Variants in LIFR observed in about 807,000 individuals in gnomAD.
LIFR encodes the protein LIF receptor subunit alpha, also known as leukemia inhibitory factor receptor.
In LIFR, 84 loss-of-function variants were observed where a neutral mutation model predicts 122.2. That is an observed-to-expected ratio of 0.69 (90% CI 0.58 to 0.82). The LOEUF (loss-of-function observed/expected upper bound fraction) is 0.82, where lower values mean the gene tolerates loss of function less well. LIFR is among the 40% of genes least tolerant of loss of function. The pLI is 0.00. For missense variants in LIFR, 1,294 were observed against 1,311.6 expected (o/e 0.99, Z 0.21); for synonymous variants, 422 against 434.7 (o/e 0.97, Z 0.36).
chr5:38,525,838 G>T (rs1302496684), intron 4 of LIFR, among the ~76,000 whole-genome samples: 2 of 152,188 alleles, frequency 1.3e-5, no homozygotes, highest in Non-Finnish European at 2.9e-5. Context: ...GATGTCACAT[G>T]ATGTAGTAAC....
At chr5:38,583,507 G>T (rs1407182369) in intron 1 of LIFR, among the ~76,000 whole-genome samples, 1 of 152,110 alleles carries the variant, frequency 6.6e-6, no homozygotes, top group African/African-American at 2.4e-5. Flanking sequence ...TCAACAAAAA[G>T]AAAAGGCAAC....
chr5:38,558,588 C>G (rs920327555), upstream of LIFR: 2 of 152,162 alleles, frequency 1.3e-5, no homozygotes, highest in African/African-American at 2.4e-5. Context: ...CGTTCTCACA[C>G]TGCTATAAAG....
chr5:38,515,297 C>T (rs1452435277), intron 5 of LIFR, among the ~76,000 whole-genome samples: 1 of 151,908 alleles, frequency 6.6e-6, no homozygotes, highest in Non-Finnish European at 1.5e-5. Context: ...CTATGTGAGC[C>T]TTCTGTGAAT....
At position 38,527,488 on chromosome 5, in the gene LIFR, A is replaced by C. The variant is rs1304609794; in HGVS notation, c.258-194T>G. ...TTACCAATGTGGGGGTAGGAAAAAC[A>C]ACCTCATTGTACCAAAAGTAGAATA... is the stretch of plus-strand genomic sequence containing the variant. On this transcript the variant is annotated intron_variant, in intron 3 of 19. Transcript: ENST00000453190. Among the ~76,000 whole-genome samples, 12 of 152,230 alleles carry C rather than the reference A, an allele frequency of 7.9e-5. No individual in the cohort carries two copies. The East Asian group carries it at 1.2e-3, about 15-fold the overall frequency.
rs1743709312 is a variant in LIFR at position 38,476,109 on chromosome 5, A to G, written c.*5486T>C. On this transcript the variant is annotated 3_prime_UTR_variant, in exon 20 of 20. Transcript: ENST00000453190. ...AAATATTGTGTTGGAAGGAAAAATT[A>G]AATACAAGGAAACACTAGCTTATGA... The G allele has an allele frequency of 5.0e-6, 1 of 199,218 alleles. No homozygotes were observed. The highest frequency in any genetic ancestry group is 2.3e-5 in the African/African-American group (1 of 43,482). 12.3% of individuals were successfully genotyped at this position (199,218 alleles called of 1,614,324 possible).
chr5:38,575,884 A>G (rs1749369159), intron 1 of LIFR, among the ~76,000 whole-genome samples: 1 of 152,198 alleles, frequency 6.6e-6, no homozygotes, highest in South Asian at 2.1e-4. Context: ...AAGTCGGTTT[A>G]GCTCAGATAC....
At chr5:38,510,328 C>G in intron 7 of LIFR, 136 bp downstream of exon 7, 1 of 807,832 alleles carries the variant, frequency 1.2e-6, no homozygotes, top group East Asian at 2.6e-5. Context: ...CTTTGTATAG[C>G]CTTTATATTA....
intron 1 of LIFR, among the ~76,000 whole-genome samples, chr5:38,578,207 C>CTTTTTTTTTTTTTTTTTTTTTTTT (rs3079294): frequency 5.7e-5 from 7 of 123,466 alleles, no homozygotes; most frequent in Admixed American, 1.8e-4. Flanking sequence ...TTTTCTTTTT[C>CTTTTTTTTTTTTTTTTTTTTTTTT]TTTTTTTTTT....
chr5:38,484,133 G>C (rs1299900468), intron 18 of LIFR, among the ~76,000 whole-genome samples: 1 of 152,142 alleles, frequency 6.6e-6, no homozygotes, highest in Non-Finnish European at 1.5e-5. Context: ...CTTACCCTTT[G>C]GAACTGTACC....
In LIFR at chr5:38,506,014, T is replaced by C. The variant is rs1411609402; in HGVS notation, c.1182A>G (p.Gln394=). 1.9e-6 allele frequency: 3 copies of C among 1,608,446 alleles called. No individual in the cohort carries two copies. The highest frequency in any genetic ancestry group is 2.2e-5 in the East Asian group (1 of 44,716). ...RAEAPTNESY[Q]LLFQMLPNQE... ...GATTTGGAAGCATTTGAAATAATAA[T>C]TGATAGCTTTCGTTTGTAGGTGCTT... The change falls in exon 9 of 20, where the codon CAA becomes CAG. Residue 394 remains glutamine, a synonymous_variant. Coordinates refer to ENST00000453190, the MANE Select transcript of LIFR (RefSeq NM_001127671.2).
chr5:38,599,965 G>C (rs1335981260), upstream of LIFR, among the ~76,000 whole-genome samples: 8 of 152,192 alleles, frequency 5.3e-5, no homozygotes, highest in East Asian at 1.5e-3. Flanking sequence ...TGATAGAACA[G>C]ACTCTTTAAG....
intron 2 of LIFR, among the ~76,000 whole-genome samples, chr5:38,603,011 C>T (rs1345667083): frequency 2.0e-5 from 3 of 152,130 alleles, no homozygotes; most frequent in Non-Finnish European, 4.4e-5. Context: ...AAACATACTG[C>T]GCACGCTTAA....
At chr5:38,502,261 T>G (rs1367378478) in intron 11 of LIFR, among the ~76,000 whole-genome samples, 1 of 152,116 alleles carries the variant, frequency 6.6e-6, no homozygotes, top group African/African-American at 2.4e-5. Context: ...ATAGCATTTT[T>G]TTTTTCTTAT....
chr5:38,561,586 C>T (rs1187227652), upstream of LIFR, among the ~76,000 whole-genome samples: 1 of 152,024 alleles, frequency 6.6e-6, no homozygotes, highest in African/African-American at 2.4e-5. Context: ...TATTGTAGAC[C>T]ATCTGAAATC....
At chr5:38,542,686 C>G (rs774706224) in intron 1 of LIFR, among the ~76,000 whole-genome samples, 2 of 152,098 alleles carry the variant, frequency 1.3e-5, no homozygotes, top group Non-Finnish European at 2.9e-5. Context: ...CACAGTGGCC[C>G]CGTGCTTAAG....
At chr5:38,564,124 G>C (rs957253569) in intron 1 of LIFR, among the ~76,000 whole-genome samples, 3 of 152,222 alleles carry the variant, frequency 2.0e-5, no homozygotes, top group African/African-American at 7.2e-5. Context: ...ATTGCTAGTT[G>C]AGATAGAGAC....
At chr5:38,529,773 C>G (rs1057376466) in intron 2 of LIFR, among the ~76,000 whole-genome samples, 1 of 151,908 alleles carries the variant, frequency 6.6e-6, no homozygotes. Flanking sequence ...ATGGTTGGTA[C>G]GATATTCACT....
chr5:38,547,942 C>G (rs922641978), intron 1 of LIFR, among the ~76,000 whole-genome samples: 5 of 152,008 alleles, frequency 3.3e-5, no homozygotes, highest in Non-Finnish European at 5.9e-5. Flanking sequence ...AAAAAAGGTA[C>G]AGTAAAAATA....
At chr5:38,488,986 C>T in intron 16 of LIFR, 92 bp downstream of exon 16, 2 of 1,024,444 alleles carry the variant, frequency 2.0e-6, no homozygotes, top group East Asian at 2.4e-5. Flanking sequence ...AAAACCAGTA[C>T]TAAACTACTG....
Sources: allele counts gnomAD v4.1 joint callset (sites outside exome capture counted in the v4.1 genomes callset), GRCh38; gene constraint gnomAD v4.1.1; transcripts MANE v1.5; gene names NCBI Gene and HGNC (gene_info 2026-07-23, HGNC 2026-07-21).